DOCK2: variants seen among roughly 807,000 people sequenced by gnomAD.
DOCK2 encodes dedicator of cytokinesis protein 2.
A neutral mutation model predicts 248.9 loss-of-function variants in DOCK2; 87 were observed. The observed-to-expected ratio is 0.35, with a 90% CI of 0.29 to 0.42. DOCK2 has a LOEUF of 0.42. Ranked by LOEUF, DOCK2 falls within the 10% of genes least tolerant of loss-of-function variation. DOCK2 has a pLI of 1.00. For missense variants in DOCK2, 1,747 were observed against 2,300.2 expected, an observed-to-expected ratio of 0.76 and a Z score of 4.92; for synonymous variants, 805 against 821.6, an observed-to-expected ratio of 0.98 and a Z score of 0.35.
At chr5:169,975,375 C>A (rs1480227506) in intron 27 of DOCK2, among the ~76,000 whole-genome samples, 1 of 152,172 alleles carries the variant, frequency 6.6e-6, no homozygotes, top group Admixed American at 6.5e-5. Context: ...TCAATGGCTT[C>A]TCTTTGTACT....
At chr5:169,961,162 G>T (rs774454121) in intron 27 of DOCK2, among the ~76,000 whole-genome samples, 11 of 152,178 alleles carry the variant, frequency 7.2e-5, no homozygotes, top group Non-Finnish European at 1.5e-4. Context: ...TCCTACAATT[G>T]TCATTGGCCA....
chr5:169,847,935 C>T (rs748510522), intron 27 of DOCK2, among the ~76,000 whole-genome samples: 9 of 152,164 alleles, frequency 5.9e-5, no homozygotes, highest in Non-Finnish European at 1.0e-4. Flanking sequence ...AAACAAGATT[C>T]TCTTGCACAT....
At chr5:169,839,042 G>A (rs896518752) in intron 26 of DOCK2, among the ~76,000 whole-genome samples, 7 of 152,082 alleles carry the variant, frequency 4.6e-5, no homozygotes, top group Admixed American at 2.6e-4. Flanking sequence ...AGTTTAATGC[G>A]GTAAAGCTTG....
chr5:169,954,004 A>G (rs574984908), intron 27 of DOCK2, among the ~76,000 whole-genome samples: 1 of 152,366 alleles, frequency 6.6e-6, no homozygotes, highest in East Asian at 1.9e-4. Flanking sequence ...ATTTATAAAT[A>G]TGAGTGCATA....
chr5:169,689,877 CA>C (rs1052815014), intron 9 of DOCK2, among the ~76,000 whole-genome samples: 20 of 152,300 alleles, frequency 1.3e-4, no homozygotes, highest in Admixed American at 1.2e-3. Flanking sequence ...CTGAGCAAGA[CA>C]TGTACGTAGA....
chr5:169,860,086 C>T (rs966531084), intron 27 of DOCK2, among the ~76,000 whole-genome samples: 6 of 151,202 alleles, frequency 4.0e-5, no homozygotes, highest in African/African-American at 1.5e-4. Flanking sequence ...CTGCCTCAGC[C>T]TCCTGATTAG....
chr5:170,007,917 T>C (rs1755108893), intron 30 of DOCK2, among the ~76,000 whole-genome samples: 1 of 152,194 alleles, frequency 6.6e-6, no homozygotes, highest in Non-Finnish European at 1.5e-5. Flanking sequence ...TTTGTATCTC[T>C]AGCAAGTTCC....
At chr5:169,707,194 A>C (rs1942217115) in intron 14 of DOCK2, among the ~76,000 whole-genome samples, 1 of 152,208 alleles carries the variant, frequency 6.6e-6, no homozygotes, top group South Asian at 2.1e-4. Context: ...TGACCATAGA[A>C]GTAGGCATTG....
At chr5:169,805,736 CT>C (rs1470578357) in intron 26 of DOCK2, among the ~76,000 whole-genome samples, 1 of 152,224 alleles carries the variant, frequency 6.6e-6, no homozygotes, top group Admixed American at 6.5e-5. Flanking sequence ...AGGCTGCTTG[CT>C]GTCTTACACA....
rs369831482 is a variant in DOCK2 at position 169,782,500 on chromosome 5, GT to G, written c.2555-20540del. On this transcript the variant is annotated intron_variant, in intron 25 of 51. Transcript: ENST00000520908. ...AGAACACTAGGCAGCTTCCTCCTTA[GT>G]TTTTTTTTTTTTTTTTTAATTTCTT... Among the ~76,000 whole-genome samples the G allele has an allele frequency of 6.8e-3, 931 of 137,422 alleles. 6 individuals carry two copies. The highest frequency in any genetic ancestry group is 0.023 in the Middle Eastern group (6 of 260). 90.2% of individuals were successfully genotyped at this position (137,422 alleles called of 152,430 possible).
Position 169,831,227 on chromosome 5 carries a change from G to T in DOCK2, c.2704-9530G>T, listed in dbSNP as rs573632260. On this transcript the variant is annotated intron_variant, in intron 26 of 51. Coordinates refer to ENST00000520908, the MANE Select transcript of DOCK2 (RefSeq NM_004946.3). ...AGAAAATAAATTTTCAAAAAAAAAA[G>T]GTGTATATTACATATGGTACTCTGT... Among the ~76,000 whole-genome samples the T allele has an allele frequency of 1.0e-3, 156 of 151,844 alleles. 1 individual carries two copies. Among genetic ancestry groups the T allele is most frequent in the African/African-American group, 3.6e-3 (148 of 41,410 alleles).
At chr5:170,009,597 T>C (rs1755206260) in intron 32 of DOCK2, among the ~76,000 whole-genome samples, 1 of 152,186 alleles carries the variant, frequency 6.6e-6, no homozygotes, top group Admixed American at 6.5e-5. Context: ...TGATTCTAAA[T>C]TGCTCTGCCC....
At chr5:169,933,108 C>T (rs1052559197) in intron 27 of DOCK2, among the ~76,000 whole-genome samples, 4 of 152,188 alleles carry the variant, frequency 2.6e-5, no homozygotes, top group East Asian at 3.8e-4. Context: ...CCCTTACTCC[C>T]GACCCTCTCA....
intron 44 of DOCK2, among the ~76,000 whole-genome samples, chr5:170,063,146 C>T (rs1334514714): frequency 1.3e-5 from 2 of 152,114 alleles, no homozygotes; most frequent in Non-Finnish European, 2.9e-5. Context: ...AAAAAAGCAG[C>T]AGTTTTATAC....
At chr5:170,015,256 A>G (rs1452145555) in intron 32 of DOCK2, among the ~76,000 whole-genome samples, 2 of 152,140 alleles carry the variant, frequency 1.3e-5, no homozygotes, top group African/African-American at 2.4e-5. Context: ...AGCTTCGACA[A>G]TTCTATTAGG....
chr5:169,702,671 T>TA (rs1761045035), intron 14 of DOCK2: 1 of 318,904 alleles, frequency 3.1e-6, no homozygotes, highest in East Asian at 7.2e-5. Context: ...CAACTTCTTC[T>TA]TGTATGTATG....
chr5:170,006,159 G>A (rs532870362), intron 30 of DOCK2, among the ~76,000 whole-genome samples: 9 of 152,274 alleles, frequency 5.9e-5, no homozygotes, highest in East Asian at 1.9e-4. Flanking sequence ...CTGGGATGCC[G>A]GGAGGAAAGG....
intron 44 of DOCK2, among the ~76,000 whole-genome samples, chr5:170,059,785 C>T (rs10078210): frequency 0.034 from 5,182 of 152,238 alleles, 169 homozygotes; most frequent in African/African-American, 0.078. Flanking sequence ...ATGTCTAAAC[C>T]GGTTACCTTA....
intron 32 of DOCK2, among the ~76,000 whole-genome samples, chr5:170,011,193 G>A (rs1581525350): frequency 6.6e-6 from 1 of 152,326 alleles, no homozygotes; most frequent in East Asian, 1.9e-4. Context: ...ATTATAACAA[G>A]CTGCTCTTGA....
Sources: gnomAD v4.1 joint callset for allele counts (sites outside exome capture counted in the v4.1 genomes callset) on GRCh38, gnomAD v4.1.1 for gene constraint, MANE v1.5 for transcripts, NCBI Gene and HGNC (gene_info 2026-07-23, HGNC 2026-07-21) for gene names.